EYS: variants seen among roughly 807,000 people sequenced by gnomAD.
EYS encodes EGF-like photoreceptor maintenance factor.
EYS carries 250 observed loss-of-function variants against 282.1 expected under a neutral mutation model. The observed-to-expected ratio is 0.89, with a 90% CI of 0.80 to 0.98. The LOEUF (loss-of-function observed/expected upper bound fraction) is 0.98, where lower values mean the gene tolerates loss of function less well. Among genes scored for constraint, EYS ranks in the 50% least tolerant of loss-of-function variants. The pLI, the probability that EYS is intolerant of heterozygous loss-of-function variation, is 0.00. For missense variants in EYS, 4,016 were observed against 3,709.0 expected, an observed-to-expected ratio of 1.08 and a Z score of -2.15; for synonymous variants, 1,355 against 1,282.9, an observed-to-expected ratio of 1.06 and a Z score of -1.20.
At chr6:64,089,463 T>C (rs1360480469) in intron 31 of EYS, among the ~76,000 whole-genome samples, 1 of 149,596 alleles carries the variant, frequency 6.7e-6, no homozygotes. Context: ...TGATTATCAA[T>C]ATCTTAAATA....
intron 12 of EYS, among the ~76,000 whole-genome samples, chr6:65,089,406 A>G (rs1464161084): frequency 6.6e-6 from 1 of 152,148 alleles, no homozygotes. Flanking sequence ...GGGTCAAAGG[A>G]GATAGTTTTG....
chr6:65,016,576 G>A (rs992821276), intron 13 of EYS, among the ~76,000 whole-genome samples: 4 of 152,116 alleles, frequency 2.6e-5, no homozygotes, highest in African/African-American at 9.7e-5. Context: ...TGTGCAAGAG[G>A]CATCATGTAG....
chr6:64,007,468 G>GT (rs959785330), intron 33 of EYS, among the ~76,000 whole-genome samples: 1 of 151,004 alleles, frequency 6.6e-6, no homozygotes, highest in Admixed American at 6.6e-5. Context: ...TCTTTTGTGT[G>GT]TTTTTTTACA....
At chr6:65,058,197 C>T (rs541143797) in intron 12 of EYS, among the ~76,000 whole-genome samples, 20 of 152,230 alleles carry the variant, frequency 1.3e-4, no homozygotes, top group African/African-American at 4.3e-4. Context: ...GTCTCCCAGG[C>T]TGTAGTGCAG....
At position 65,011,752 on chromosome 6, in the gene EYS, C is replaced by T. The variant is rs374322183; in HGVS notation, c.2138-14049G>A. ...AGAGGCTTGCAACTTAATTCACACA[C>T]GACCAATCAGATAGTAAGGAGAGCT... On this transcript the variant is annotated intron_variant, in intron 13 of 42. Coordinates refer to ENST00000503581, the MANE Select transcript of EYS (RefSeq NM_001142800.2). Among the ~76,000 whole-genome samples, 9 of 152,136 alleles carry T rather than the reference C, an allele frequency of 5.9e-5. No individual in the cohort carries two copies. The South Asian group carries it at 8.3e-4, about 14-fold the overall frequency.
intron 18 of EYS, among the ~76,000 whole-genome samples, chr6:64,891,103 GC>G (rs1767277875): frequency 1.3e-5 from 2 of 151,542 alleles, no homozygotes; most frequent in Non-Finnish European, 2.9e-5. Flanking sequence ...ATGCAAAAAG[GC>G]CCTGGGATTC....
At chr6:64,698,866 A>G (rs1405439893) in intron 22 of EYS, among the ~76,000 whole-genome samples, 1 of 152,180 alleles carries the variant, frequency 6.6e-6, no homozygotes, top group Non-Finnish European at 1.5e-5. Flanking sequence ...ATACCTATAC[A>G]CTATTGGTGG....
chr6:65,456,307 C>A lies in EYS; in HGVS notation c.862+34287G>T, dbSNP rs936863500. Among the ~76,000 whole-genome samples the A allele has an allele frequency of 2.0e-5, 3 of 151,836 alleles. No individual in the cohort carries two copies. The East Asian group carries it at 5.8e-4, about 30-fold the overall frequency. On this transcript the variant is annotated intron_variant, in intron 5 of 42. Coordinates refer to ENST00000503581, the MANE Select transcript of EYS (RefSeq NM_001142800.2). Reference sequence around the variant, plus strand: ...CTCTACTAAAAAATACAAAAATTAGCTGGGCGTGGTGGAGTGCCGGTAGTC... The same window carrying A: ...CTCTACTAAAAAATACAAAAATTAGATGGGCGTGGTGGAGTGCCGGTAGTC...
At chr6:63,784,058 G>A (rs961781544) in intron 39 of EYS, among the ~76,000 whole-genome samples, 13 of 152,146 alleles carry the variant, frequency 8.5e-5, no homozygotes, top group African/African-American at 2.9e-4. Context: ...TCCAGCCTTC[G>A]TACTTGGACT....
At chr6:64,596,146 C>T (rs79724966) in intron 24 of EYS, among the ~76,000 whole-genome samples, 15,333 of 152,100 alleles carry the variant, frequency 0.1, 918 homozygotes, top group East Asian at 0.17. Flanking sequence ...CCAACTACTG[C>T]AACACCAGCA....
chr6:65,206,914 C>T (rs898927455), intron 12 of EYS, among the ~76,000 whole-genome samples: 1 of 151,766 alleles, frequency 6.6e-6, no homozygotes, highest in African/African-American at 2.4e-5. Context: ...CCACAGGTAA[C>T]AATCTGCTCA....
At position 64,811,787 on chromosome 6, in the gene EYS, T is replaced by A. The variant is rs576612436; in HGVS notation, c.3443+1591A>T. Among the ~76,000 whole-genome samples the A allele has an allele frequency of 4.1e-4, 62 of 152,220 alleles. 2 individuals are homozygous for A. In the South Asian group the frequency reaches 0.013, roughly 31 times the overall value. ...AGCCAAACAGATGCCTATGCCATGC[T>A]CTTGGGCTTTTCAGCCACTTGAAGC... On this transcript the variant is annotated intron_variant, in intron 22 of 42. Coordinates refer to ENST00000503581, the MANE Select transcript of EYS (RefSeq NM_001142800.2).
At chr6:64,098,039 T>C (rs542423322) in intron 31 of EYS, among the ~76,000 whole-genome samples, 3 of 152,244 alleles carry the variant, frequency 2.0e-5, no homozygotes, top group Non-Finnish European at 4.4e-5. Context: ...TTGGTGAAGA[T>C]GTGGATTAGA....
At chr6:64,283,925 C>G (rs1255937298) in intron 30 of EYS, among the ~76,000 whole-genome samples, 4 of 152,104 alleles carry the variant, frequency 2.6e-5, no homozygotes, top group Non-Finnish European at 5.9e-5. Context: ...TCAAATTATC[C>G]CCACCAAGTC....
chr6:64,889,036 C>A (rs1767189839), intron 18 of EYS, among the ~76,000 whole-genome samples: 1 of 151,972 alleles, frequency 6.6e-6, no homozygotes, highest in Non-Finnish European at 1.5e-5. Context: ...GTTTCAAAAT[C>A]TACTTTGTAT....
At chr6:63,771,069 T>C (rs1769916681) in intron 40 of EYS, among the ~76,000 whole-genome samples, 1 of 152,098 alleles carries the variant, frequency 6.6e-6, no homozygotes, top group Admixed American at 6.6e-5. Context: ...GTTCTTCAGG[T>C]TTAAGGGCTT....
At chr6:64,265,100 C>T (rs1922950) in intron 30 of EYS, among the ~76,000 whole-genome samples, 18,356 of 151,606 alleles carry the variant, frequency 0.12, 2,597 homozygotes, top group African/African-American at 0.34. Context: ...TGTTTACCCC[C>T]AAAATTTAAG....
At chr6:65,194,507 C>T (rs1480843865) in intron 12 of EYS, among the ~76,000 whole-genome samples, 1 of 151,806 alleles carries the variant, frequency 6.6e-6, no homozygotes, top group Admixed American at 6.6e-5. Context: ...TTTGCCTAGC[C>T]ATTCCACCCC....
intron 41 of EYS, among the ~76,000 whole-genome samples, chr6:63,755,746 A>G (rs982930439): frequency 6.6e-6 from 1 of 152,170 alleles, no homozygotes; most frequent in African/African-American, 2.4e-5. Flanking sequence ...CACAATAATG[A>G]TTCTTCCTAC....
Sources: gnomAD v4.1 joint callset for allele counts (sites outside exome capture counted in the v4.1 genomes callset) on GRCh38, gnomAD v4.1.1 for gene constraint, MANE v1.5 for transcripts, NCBI Gene and HGNC (gene_info 2026-07-23, HGNC 2026-07-21) for gene names.